EYA4: variants seen among roughly 807,000 people sequenced by gnomAD.
The protein encoded by EYA4 is EYA transcriptional coactivator and phosphatase 4.
In EYA4, 31 loss-of-function variants were observed where a neutral mutation model predicts 87.9. The observed-to-expected ratio is 0.35, with a 90% CI of 0.27 to 0.48. The LOEUF is 0.48. Among genes scored for constraint, EYA4 ranks in the 20% least tolerant of loss-of-function variants. The pLI, the probability that EYA4 is intolerant of heterozygous loss-of-function variation, is 0.99. For missense variants in EYA4, 678 were observed against 761.4 expected (o/e 0.89, Z 1.29); for synonymous variants, 263 against 270.6 (o/e 0.97, Z 0.28).
intron 2 of EYA4, among the ~76,000 whole-genome samples, chr6:133,364,053 G>A (rs571639351): frequency 2.0e-5 from 3 of 152,306 alleles, no homozygotes; most frequent in African/African-American, 4.8e-5. Flanking sequence ...AGTGGGTTAT[G>A]TTCAGCCTCA....
chr6:133,296,033 C>T (rs1778919163), intron 2 of EYA4, among the ~76,000 whole-genome samples: 1 of 152,076 alleles, frequency 6.6e-6, no homozygotes, highest in African/African-American at 2.4e-5. Context: ...CTGTGGAGGT[C>T]GGTGATCAGG....
chr6:133,501,904 G>A (rs1212877073), intron 13 of EYA4, among the ~76,000 whole-genome samples: 1 of 152,190 alleles, frequency 6.6e-6, no homozygotes, highest in African/African-American at 2.4e-5. Context: ...TATGCTCTGT[G>A]TTCACATGGC....
intron 2 of EYA4, among the ~76,000 whole-genome samples, chr6:133,303,422 T>C (rs1779563904): frequency 6.6e-6 from 1 of 152,196 alleles, no homozygotes; most frequent in Non-Finnish European, 1.5e-5. Context: ...AGAAGGCTGA[T>C]TGGAGGCATG....
At chr6:133,403,993 T>C (rs1294366034) in intron 3 of EYA4, among the ~76,000 whole-genome samples, 1 of 152,104 alleles carries the variant, frequency 6.6e-6, no homozygotes, top group Non-Finnish European at 1.5e-5. Context: ...TTTGTAGTTT[T>C]AGTAGAGATG....
Position 133,499,623 on chromosome 6 carries a change from C to CTT in EYA4, c.1192-6480_1192-6479dup, listed in dbSNP as rs201014861. ...TGAACACTTGAATTGTGAACAAAAT[C>CTT]TTTTAATTCAAAATGTGCTAGCTTT... On this transcript the variant is annotated intron_variant, in intron 13 of 19. Coordinates refer to ENST00000355286, the MANE Select transcript of EYA4 (RefSeq NM_004100.5). Among the ~76,000 whole-genome samples the CTT allele has an allele frequency of 4.2e-3, 645 of 152,248 alleles. 5 individuals carry two copies. Among genetic ancestry groups the CTT allele is most frequent in the African/African-American group, 0.015 (611 of 41,552 alleles).
intron 1 of EYA4, among the ~76,000 whole-genome samples, chr6:133,264,729 G>A (rs1776072170): frequency 6.6e-6 from 1 of 152,130 alleles, no homozygotes; most frequent in South Asian, 2.1e-4. Context: ...TCCTCATTCC[G>A]CGGCAGCCTG....
rs907455078 is a variant in EYA4 at position 133,492,718 on chromosome 6, A to G, written c.1191+9603A>G. On this transcript the variant is annotated intron_variant, in intron 13 of 19. Coordinates refer to ENST00000355286, the MANE Select transcript of EYA4 (RefSeq NM_004100.5). ...ATTTTTAGAAAAGCTTAAAGATTCC[A>G]TCAAAAAACTATCAGAGCTGATAAA... Among the ~76,000 whole-genome samples, 5 of 152,240 alleles carry G rather than the reference A, an allele frequency of 3.3e-5. No individual in the cohort carries two copies. In the South Asian group the frequency reaches 6.2e-4, roughly 19 times the overall value.
intron 19 of EYA4, among the ~76,000 whole-genome samples, chr6:133,526,097 A>C (rs1399906918): frequency 6.6e-6 from 1 of 152,188 alleles, no homozygotes; most frequent in Non-Finnish European, 1.5e-5. Flanking sequence ...TTGGTTCAAC[A>C]TCAAAAGAAG....
At chr6:133,412,400 A>G (rs1037230821) in intron 3 of EYA4, among the ~76,000 whole-genome samples, 4 of 152,224 alleles carry the variant, frequency 2.6e-5, no homozygotes, top group Non-Finnish European at 4.4e-5. Flanking sequence ...AATGTGATCA[A>G]TTCCCAGAAT....
At chr6:133,387,523 G>T (rs1490621289) in intron 3 of EYA4, among the ~76,000 whole-genome samples, 1 of 152,128 alleles carries the variant, frequency 6.6e-6, no homozygotes, top group Non-Finnish European at 1.5e-5. Context: ...TGGTTGTACA[G>T]ACCACAGAAT....
intron 3 of EYA4, among the ~76,000 whole-genome samples, chr6:133,399,266 G>T (rs952150172): frequency 6.6e-6 from 1 of 152,134 alleles, no homozygotes; most frequent in African/African-American, 2.4e-5. Context: ...AAATATAAAT[G>T]ATTCCTAATG....
intron 2 of EYA4, among the ~76,000 whole-genome samples, chr6:133,313,833 A>G (rs1348240993): frequency 6.6e-6 from 1 of 152,166 alleles, no homozygotes. Flanking sequence ...CTATAGAGAA[A>G]TCATGTTAGC....
At chr6:133,324,826 T>C (rs1421902022) in intron 2 of EYA4, among the ~76,000 whole-genome samples, 1 of 151,654 alleles carries the variant, frequency 6.6e-6, no homozygotes, top group African/African-American at 2.4e-5. Flanking sequence ...TTTCAAAAAA[T>C]CAGATTAATA....
chr6:133,448,961 A>G (rs986176387), intron 5 of EYA4, among the ~76,000 whole-genome samples: 2 of 152,228 alleles, frequency 1.3e-5, no homozygotes, highest in Admixed American at 1.3e-4. Flanking sequence ...ACCTTGCTCT[A>G]TCTCTGATGA....
intron 3 of EYA4, among the ~76,000 whole-genome samples, chr6:133,443,704 G>C (rs1488340872): frequency 6.6e-6 from 1 of 151,886 alleles, no homozygotes; most frequent in Non-Finnish European, 1.5e-5. Context: ...ACCACAGTTT[G>C]ATTTGATCTT....
intron 2 of EYA4, among the ~76,000 whole-genome samples, chr6:133,299,671 C>G (rs1376264732): frequency 6.6e-6 from 1 of 151,294 alleles, no homozygotes; most frequent in African/African-American, 2.4e-5. Flanking sequence ...GAGATCGCGC[C>G]ACTGCACTCC....
At chr6:133,375,422 TG>T (rs1361617562) in intron 2 of EYA4, among the ~76,000 whole-genome samples, 5 of 152,012 alleles carry the variant, frequency 3.3e-5, no homozygotes, top group South Asian at 4.1e-4. Context: ...GTTTATGTTT[TG>T]CCTATTTCAT....
At chr6:133,509,551 A>G (rs1342742475) in intron 14 of EYA4, among the ~76,000 whole-genome samples, 1 of 152,226 alleles carries the variant, frequency 6.6e-6, no homozygotes, top group Non-Finnish European at 1.5e-5. Context: ...ATCCTGCCCA[A>G]CTGCAGAGAA....
chr6:133,311,268 G>A (rs1223036301), intron 2 of EYA4, among the ~76,000 whole-genome samples: 1 of 151,788 alleles, frequency 6.6e-6, no homozygotes, highest in African/African-American at 2.4e-5. Flanking sequence ...CTTTCCTGTG[G>A]CATCTCTTCT....
Sources: allele counts gnomAD v4.1 joint callset (sites outside exome capture counted in the v4.1 genomes callset), GRCh38; gene constraint gnomAD v4.1.1; transcripts MANE v1.5; gene names NCBI Gene and HGNC (gene_info 2026-07-23, HGNC 2026-07-21).